Variants in PACRGL observed in about 807,000 individuals in gnomAD.
The protein encoded by PACRGL is parkin coregulated like.
A neutral mutation model predicts 34.5 loss-of-function variants in PACRGL; 38 were observed. The observed-to-expected ratio is 1.10, with a 90% CI of 0.85 to 1.44. The LOEUF (loss-of-function observed/expected upper bound fraction) is 1.44, where lower values mean the gene tolerates loss of function less well. PACRGL is among the 40% of genes most tolerant of loss of function. PACRGL has a pLI of 0.00. For synonymous variants in PACRGL, 128 were observed against 100.1 expected (o/e 1.28, Z -1.66); for missense variants, 305 against 281.4 (o/e 1.08, Z -0.60).
chr4:20,712,519 G>A (rs1219166320), intron 5 of PACRGL, among the ~76,000 whole-genome samples: 1 of 152,046 alleles, frequency 6.6e-6, no homozygotes, highest in African/African-American at 2.4e-5. Flanking sequence ...CACATACTAT[G>A]CTCTTTTATA....
At chr4:20,714,729 A>G (rs896870362) in intron 7 of PACRGL, among the ~76,000 whole-genome samples, 2 of 152,130 alleles carry the variant, frequency 1.3e-5, no homozygotes, top group African/African-American at 4.8e-5. Context: ...ATGAGATACC[A>G]TCTCAGACCA....
intron 7 of PACRGL, chr4:20,718,886 G>C (rs983751578): frequency 6.6e-6 from 1 of 152,172 alleles, no homozygotes; most frequent in East Asian, 1.9e-4. Context: ...CTATTGATTG[G>C]AATAGTTTCA....
At position 20,726,740 on chromosome 4, in the gene PACRGL, T is replaced by TA. The variant is rs550577528; in HGVS notation, c.691-544dup. On this transcript the variant is annotated intron_variant, in intron 8 of 8. Coordinates refer to ENST00000503585, the MANE Select transcript of PACRGL (RefSeq NM_001258345.3). ...TATCTGTTACAGATAGTCACAGTGT[T>TA]ACTTTCTTAGAACTGATCTGCCTTA... Among the ~76,000 whole-genome samples the TA allele has an allele frequency of 4.9e-4, 74 of 152,322 alleles. 1 individual carries two copies. Among genetic ancestry groups the TA allele is most frequent in the African/African-American group, 1.7e-3 (72 of 41,582 alleles).
intron 8 of PACRGL, among the ~76,000 whole-genome samples, chr4:20,750,377 G>A (rs1753389623): frequency 1.3e-5 from 2 of 152,054 alleles, no homozygotes; most frequent in South Asian, 2.1e-4. Flanking sequence ...GGAAGTTTCT[G>A]TGGCTGTGTT....
intron 1 of PACRGL, chr4:20,702,332 T>G: frequency 2.6e-6 from 1 of 385,602 alleles, no homozygotes; most frequent in Non-Finnish European, 5.2e-6. Flanking sequence ...TTGCAGCTGT[T>G]AACAATTGAT....
At chr4:20,724,771 A>G in intron 7 of PACRGL, 37 bp from the exon 8 acceptor site, 2 of 1,255,392 alleles carry the variant, frequency 1.6e-6, no homozygotes, top group Admixed American at 3.1e-5. Flanking sequence ...TGTTAAGTTT[A>G]AAGTCATTTC....
rs1365815807 is a variant in PACRGL at position 20,724,852 on chromosome 4, C to G, written c.654C>G (p.Thr218=). 46 of 1,498,068 alleles carry G rather than the reference C, an allele frequency of 3.1e-5. No individual in the cohort carries two copies. The highest frequency in any genetic ancestry group is 4.1e-5 in the Non-Finnish European group (46 of 1,132,880). The allele number at this position is 1,498,068 out of a possible 1,614,324, so 92.8% of individuals were successfully genotyped here. The change falls in exon 8 of 9, where the codon ACC becomes ACG. Residue 218 remains threonine (T), a synonymous_variant. Transcript: ENST00000503585. Reference sequence around the variant, plus strand: ...ACAAGAAATTCAAAGAGCCAATCACCAGCGCATTACAAAAGCTAGAGCAAC... The same window carrying G: ...ACAAGAAATTCAAAGAGCCAATCACGAGCGCATTACAAAAGCTAGAGCAAC... The part of the protein sequence containing the change: ...LMDKKFKEPI[T]SALQKLEQHG...
the PACRGL span, among the ~76,000 whole-genome samples, chr4:20,758,582 C>T: frequency 6.6e-6 from 1 of 152,126 alleles, no homozygotes; most frequent in Non-Finnish European, 1.5e-5. Flanking sequence ...TTGAGAGCCA[C>T]AGTACTGGGC....
At chr4:20,765,288 A>T in the PACRGL span, among the ~76,000 whole-genome samples, 1 of 152,076 alleles carries the variant, frequency 6.6e-6, no homozygotes, top group Admixed American at 6.6e-5. Flanking sequence ...TTCTATTAGG[A>T]CTGAAAACAT....
chr4:20,757,311 G>C (rs1006945636), downstream of PACRGL, among the ~76,000 whole-genome samples: 1 of 152,140 alleles, frequency 6.6e-6, no homozygotes, highest in African/African-American at 2.4e-5. Context: ...TCCTACAGCA[G>C]TAATCTTCTA....
chr4:20,732,147 G>A lies in PACRGL; in HGVS notation c.*4806G>A. 2.1e-6 allele frequency: 2 copies of A among 968,596 alleles called. No individual in the cohort carries two copies. Among genetic ancestry groups the A allele is most frequent in the Non-Finnish European group, 3.2e-6 (2 of 626,246 alleles). 60.0% of individuals were successfully genotyped at this position (968,596 alleles called of 1,614,324 possible). On this transcript the variant is annotated 3_prime_UTR_variant, in exon 9 of 9. Transcript: ENST00000503585. Reference sequence around the variant, plus strand: ...CACCTGGACCAAATGAGCTGAAGCTGATAAAAAGAAAACCTAGCTGCTTAT... The same window carrying A: ...CACCTGGACCAAATGAGCTGAAGCTAATAAAAAGAAAACCTAGCTGCTTAT...
chr4:20,756,226 T>A (rs961179402), downstream of PACRGL, among the ~76,000 whole-genome samples: 1 of 151,628 alleles, frequency 6.6e-6, no homozygotes, highest in Non-Finnish European at 1.5e-5. Context: ...CTGGCCATAA[T>A]AACAGAGAGA....
At chr4:20,753,072 T>C (rs918958141), downstream of PACRGL, among the ~76,000 whole-genome samples, 2 of 152,192 alleles carry the variant, frequency 1.3e-5, no homozygotes, top group African/African-American at 4.8e-5. Context: ...ATTTTACTTG[T>C]GAAGCTGAAA....
At chr4:20,751,907 T>G (rs1054261987) in intron 8 of PACRGL, among the ~76,000 whole-genome samples, 3 of 152,162 alleles carry the variant, frequency 2.0e-5, no homozygotes, top group Admixed American at 6.5e-5. Context: ...GAGGTTTTGA[T>G]AATAGCATAG....
rs1315342699 is a variant in PACRGL, at chr4:20,702,288, G to C, written c.-17+1501G>C. ...TGCCTGTGCCCTTGTTATGTTTGTG[G>C]GTACGCGTCTTTGCTGTGCATCGCT... is the stretch of plus-strand genomic sequence containing the variant. On this transcript the variant is annotated intron_variant, in intron 1 of 8. Transcript: ENST00000503585. The C allele has an allele frequency of 2.2e-5, 10 of 448,578 alleles. No homozygotes were observed. In the East Asian group the frequency reaches 6.3e-4, roughly 28 times the overall value. 27.8% of individuals were successfully genotyped at this position (448,578 alleles called of 1,614,324 possible).
rs1387059461 is a variant in PACRGL, at chr4:20,748,861, A to G, written c.*57-3704A>G. On this transcript the variant is annotated intron_variant, in intron 8 of 8. Coordinates refer to the PACRGL transcript ENST00000507634. ...ATCTGCTATTTACCATTTGAATCAT[A>G]TGAATTACGTGTGTGTGTGTATGTG... Among the ~76,000 whole-genome samples, 7 of 145,858 alleles carry G rather than the reference A, an allele frequency of 4.8e-5. No individual in the cohort carries two copies. In the East Asian group the frequency reaches 1.4e-3, roughly 29 times the overall value.
At chr4:20,752,992 G>C (rs991261708), downstream of PACRGL, 1 of 152,152 alleles carries the variant, frequency 6.6e-6, no homozygotes, top group South Asian at 2.1e-4. Flanking sequence ...ACCTCTTCGT[G>C]ATCACATTCC....
rs114126649 is a variant in PACRGL at position 20,703,703 on chromosome 4, G to C, written c.-16-763G>C. On this transcript the variant is annotated intron_variant, in intron 1 of 8. Transcript: ENST00000503585. ...TTGCACCTCCAGAAAACCTTGACAG[G>C]CTTTTATTTCCCTCTTTAAACAGGT... 2.9e-3 allele frequency among the ~76,000 whole-genome samples: 436 copies of C among 152,186 alleles called. 1 individual carries two copies. Among genetic ancestry groups the C allele is most frequent in the African/African-American group, 0.01 (421 of 41,514 alleles).
chr4:20,760,250 G>A, the PACRGL span, among the ~76,000 whole-genome samples: 477 of 152,132 alleles, frequency 3.1e-3, 5 homozygotes, highest in African/African-American at 0.011. Flanking sequence ...GCCACCTAAC[G>A]TCCACCCAGG....
Sources: gnomAD v4.1 joint callset for allele counts (sites outside exome capture counted in the v4.1 genomes callset) on GRCh38, gnomAD v4.1.1 for gene constraint, MANE v1.5 for transcripts, NCBI Gene and HGNC (gene_info 2026-07-23, HGNC 2026-07-21) for gene names.